The following RNPC3 variants were observed in gnomAD, a reference collection of about 807,000 sequenced individuals.
The protein encoded by RNPC3 is RNA-binding region-containing protein 3.
A neutral mutation model predicts 67.5 loss-of-function variants in RNPC3; 48 were observed. The ratio of observed to expected loss-of-function variants is 0.71; its 90% CI spans 0.56 to 0.90. RNPC3 has a LOEUF of 0.90. RNPC3 is among the 40% of genes least tolerant of loss of function. The probability of loss-of-function intolerance (pLI) is 0.00; values close to 1 mark genes in which losing one functional copy is unlikely to be tolerated. For missense variants in RNPC3, 637 were observed against 626.1 expected (o/e 1.02, Z -0.19); for synonymous variants, 239 against 210.3 (o/e 1.14, Z -1.18).
chr1:103,547,724 G>C (rs1033148620), intron 12 of RNPC3, among the ~76,000 whole-genome samples: 1 of 152,220 alleles, frequency 6.6e-6, no homozygotes, highest in African/African-American at 2.4e-5. Context: ...AAAAGCAAAA[G>C]AGAGGGTTGT....
rs574233293 is a variant in RNPC3, at chr1:103,546,899, T to C, written c.1303-78T>C. ...AGTCCAGTATGACCTCTTCTACTGA[T>C]GCATTGATGTATTTATTTATTTATT... On this transcript the variant is annotated intron_variant, in intron 11 of 14. Coordinates refer to ENST00000423855, the MANE Select transcript of RNPC3 (RefSeq NM_017619.4). The C allele has an allele frequency of 9.7e-5, 69 of 714,334 alleles. 1 individual carries two copies. In the South Asian group the frequency reaches 1.2e-3, roughly 12 times the overall value. The allele number at this position is 714,334 out of a possible 1,614,324, so 44.2% of individuals were successfully genotyped here.
In RNPC3 at chr1:103,537,585, T is replaced by C. The variant is rs189965411; in HGVS notation, c.767+101T>C. The stretch of plus-strand genomic sequence containing the variant: ...TTTGTGTGTATAATACTTAATAGTT[T>C]GGGGTGATTAGAATTTGTCCTCAGC... On this transcript the variant is annotated intron_variant, in intron 7 of 14. Transcript: ENST00000423855. The C allele has an allele frequency of 5.1e-5, 50 of 974,430 alleles. No homozygotes were observed. The African/African-American group carries it at 5.8e-4, about 11-fold the overall frequency. The allele number at this position is 974,430 out of a possible 1,614,324, so 60.4% of individuals were successfully genotyped here.
chr1:103,544,967 T>A lies in RNPC3; in HGVS notation c.1072T>A (p.Ser358Thr). The A allele has an allele frequency of 2.0e-6, 3 of 1,530,986 alleles. No homozygotes were observed. The highest frequency in any genetic ancestry group is 2.6e-6 in the Non-Finnish European group (3 of 1,143,502). 94.8% of individuals were successfully genotyped at this position (1,530,986 alleles called of 1,614,324 possible). The change falls in exon 10 of 15, where the codon TCC (serine) becomes ACC (threonine). Residue 358 changes from serine to threonine, a missense_variant. Coordinates refer to ENST00000423855, the MANE Select transcript of RNPC3 (RefSeq NM_017619.4). Reference sequence around the variant, plus strand: ...TTTACCTGCTACTGAAGTTGATGCATCCAATATAGGATTTGGAAAAATCTT... The same window carrying A: ...TTTACCTGCTACTGAAGTTGATGCAACCAATATAGGATTTGGAAAAATCTT... ...HDLPATEVDASNIGFGKIFPK... is the reference protein window; with the variant it reads ...HDLPATEVDATNIGFGKIFPK...
intron 12 of RNPC3, among the ~76,000 whole-genome samples, chr1:103,548,326 C>T (rs1651297089): frequency 6.6e-6 from 1 of 152,132 alleles, no homozygotes; most frequent in Admixed American, 6.6e-5. Flanking sequence ...CCTTTTAAAA[C>T]TGAATGTCTT....
At chr1:103,529,430 G>A (rs1650787792) in intron 2 of RNPC3, among the ~76,000 whole-genome samples, 1 of 152,070 alleles carries the variant, frequency 6.6e-6, no homozygotes, top group South Asian at 2.1e-4. Context: ...AGAGGTTAAC[G>A]GCAATATTGA....
At chr1:103,553,821 T>C (rs1269287069) in intron 14 of RNPC3, 1 of 152,212 alleles carries the variant, frequency 6.6e-6, no homozygotes, top group Admixed American at 6.5e-5. Flanking sequence ...TCTTAGTGAA[T>C]CTCTTTTGAC....
At chr1:103,533,290 G>A (rs139850815) in intron 2 of RNPC3, among the ~76,000 whole-genome samples, 251 of 151,998 alleles carry the variant, frequency 1.7e-3, no homozygotes, top group Non-Finnish European at 3.2e-3. Flanking sequence ...CTAAGCTAAC[G>A]GAATACAAGA....
At position 103,527,749 on chromosome 1, in the gene RNPC3, C is replaced by T; in HGVS notation, c.240+7C>T. On this transcript the variant is annotated splice_region_variant and intron_variant, in intron 2 of 14. Coordinates refer to ENST00000423855, the MANE Select transcript of RNPC3 (RefSeq NM_017619.4). ...TGAAAAAGCAGCTATAAAGGTATGA[C>T]TTTTTCTTGACGATTAAAGTTGTCA... 1.3e-6 allele frequency: 2 copies of T among 1,539,918 alleles called. No individual in the cohort carries two copies. Among genetic ancestry groups the T allele is most frequent in the South Asian group, 1.2e-5 (1 of 83,306 alleles).
chr1:103,525,829 T>A lies in RNPC3; in HGVS notation c.-242T>A, dbSNP rs1650683249. The A allele has an allele frequency of 2.9e-5, 13 of 447,800 alleles. No individual in the cohort carries two copies. Among genetic ancestry groups the A allele is most frequent in the Non-Finnish European group, 8.0e-6 (2 of 249,878 alleles). The allele number at this position is 447,800 out of a possible 1,614,324, so 27.7% of individuals were successfully genotyped here. A position where few individuals can be genotyped will look rare whatever the true frequency, so the allele number is the denominator to read the frequency against. ...CTCTGGGCCAATTTTTGCTTGTAAG[T>A]CTTTCCGGAGACCCCTGGAATTTAA... On this transcript the variant is annotated 5_prime_UTR_variant, in exon 1 of 15. Coordinates refer to ENST00000423855, the MANE Select transcript of RNPC3 (RefSeq NM_017619.4).
chr1:103,534,664 T>A lies in RNPC3; in HGVS notation c.360-110T>A, dbSNP rs1650938768. On this transcript the variant is annotated intron_variant, in intron 3 of 14. Transcript: ENST00000423855. ...ATACTTGAAAGTTTTTTTTTTTTTT[T>A]AATGAAGCTGTTTTTATAATGACAT... is the stretch of plus-strand genomic sequence containing the variant. 3.9e-5 allele frequency: 24 copies of A among 620,976 alleles called. 1 individual carries two copies. In the South Asian group the frequency reaches 4.1e-4, roughly 11 times the overall value. The allele number at this position is 620,976 out of a possible 1,614,324, so 38.5% of individuals were successfully genotyped here.
Position 103,536,085 on chromosome 1 carries a change from AAT to A in RNPC3, c.556-40_556-39del, listed in dbSNP as rs772019613. 2.8e-5 allele frequency: 39 copies of A among 1,394,348 alleles called. No individual in the cohort carries two copies. The African/African-American group carries it at 5.3e-4, about 19-fold the overall frequency. The allele number at this position is 1,394,348 out of a possible 1,614,324, so 86.4% of individuals were successfully genotyped here. On this transcript the variant is annotated intron_variant, in intron 5 of 14. Coordinates refer to ENST00000423855, the MANE Select transcript of RNPC3 (RefSeq NM_017619.4). ...TACATAAAATACAAGATGTGAGTTG[AAT>A]CATTTTATATGTGAATTTAAATGTC...
chr1:103,525,810 G>A lies in RNPC3; in HGVS notation c.-261G>A, dbSNP rs778735488. ...TGTGTTAACCCTCGCACATCTCTGG[G>A]CCAATTTTTGCTTGTAAGTCTTTCC... On this transcript the variant is annotated 5_prime_UTR_variant, in exon 1 of 15. Coordinates refer to ENST00000423855, the MANE Select transcript of RNPC3 (RefSeq NM_017619.4). 2.6e-4 allele frequency: 107 copies of A among 412,512 alleles called. No individual in the cohort carries two copies. Among genetic ancestry groups the A allele is most frequent in the Middle Eastern group, 6.7e-4 (1 of 1,490 alleles). 25.6% of individuals were successfully genotyped at this position (412,512 alleles called of 1,614,324 possible).
Position 103,533,918 on chromosome 1 carries a change from T to A in RNPC3, c.359+61T>A, listed in dbSNP as rs948577399. The A allele has an allele frequency of 1.2e-5, 10 of 855,598 alleles. 1 individual carries two copies. The highest frequency in any genetic ancestry group is 4.4e-4 in the Middle Eastern group (2 of 4,516). The allele number at this position is 855,598 out of a possible 1,614,324, so 53.0% of individuals were successfully genotyped here. A position where few individuals can be genotyped will look rare whatever the true frequency, so the allele number is the denominator to read the frequency against. ...TTTTTAAAGTGTGTGTTTTTTTAAA[T>A]CAGTTATACAGTTATTGTATTGTTT... On this transcript the variant is annotated intron_variant, in intron 3 of 14. Coordinates refer to ENST00000423855, the MANE Select transcript of RNPC3 (RefSeq NM_017619.4).
intron 8 of RNPC3, among the ~76,000 whole-genome samples, chr1:103,542,135 T>G (rs1051066652): frequency 3.9e-5 from 6 of 152,050 alleles, no homozygotes; most frequent in Admixed American, 2.6e-4. Context: ...AATGCACAGA[T>G]GATTATTGCA....
intron 5 of RNPC3, 55 bp from the exon 6 acceptor site, chr1:103,536,071 C>T: frequency 7.7e-7 from 1 of 1,294,848 alleles, no homozygotes; most frequent in East Asian, 2.5e-5. Context: ...ACATAAAATA[C>T]AAGATGTGAG....
intron 6 of RNPC3, 85 bp from the exon 7 acceptor site, chr1:103,537,257 G>T: frequency 4.5e-6 from 4 of 896,546 alleles, no homozygotes; most frequent in Non-Finnish European, 6.4e-6. Context: ...CCATGTGATA[G>T]AAATGAGAAT....
At chr1:103,526,333 A>T in intron 1 of RNPC3, 71 bp downstream of exon 1, 2 of 1,345,894 alleles carry the variant, frequency 1.5e-6, no homozygotes, top group Non-Finnish European at 2.0e-6. Context: ...GAGCGCTGAC[A>T]AGAGTAAAAT....
chr1:103,535,411 C>G lies in RNPC3; in HGVS notation c.525C>G (p.Ala175=). The change falls in exon 5 of 15, where the codon GCC becomes GCG. Residue 175 remains alanine, a synonymous_variant. Coordinates refer to ENST00000423855, the MANE Select transcript of RNPC3 (RefSeq NM_017619.4). The part of the protein sequence containing the change: ...SSTILANIVN[A]LASVPKFYVQ... ...CAATCCTAGCAAACATTGTAAATGC[C>G]TTGGCAAGCGTGCCTAAGTTCTATG... is the stretch of plus-strand genomic sequence containing the variant. 1 of 1,535,456 alleles carries G rather than the reference C, an allele frequency of 6.5e-7. No homozygotes were observed. The highest frequency in any genetic ancestry group is 8.7e-7 in the Non-Finnish European group (1 of 1,145,588).
chr1:103,527,271 G>A (rs778316397), intron 1 of RNPC3, among the ~76,000 whole-genome samples: 1 of 152,098 alleles, frequency 6.6e-6, no homozygotes, highest in African/African-American at 2.4e-5. Flanking sequence ...AAAGCACAAA[G>A]GAAATATGCA....
Sources: allele counts gnomAD v4.1 joint callset (sites outside exome capture counted in the v4.1 genomes callset), GRCh38; gene constraint gnomAD v4.1.1; transcripts MANE v1.5; gene names NCBI Gene and HGNC (gene_info 2026-07-23, HGNC 2026-07-21).